The following TRAP1 variants were observed in gnomAD, a reference collection of about 807,000 sequenced individuals.
TRAP1 encodes TNF receptor associated protein 1.
In TRAP1, 102 loss-of-function variants were observed where a neutral mutation model predicts 89.1. The ratio of observed to expected loss-of-function variants is 1.15; its 90% confidence interval spans 0.98 to 1.35. The LOEUF (loss-of-function observed/expected upper bound fraction) is 1.35, where lower values mean the gene tolerates loss of function less well. TRAP1 is among the 40% of genes most tolerant of loss of function. TRAP1 has a pLI of 0.00. For missense variants in TRAP1, 1,256 were observed against 945.3 expected, an observed-to-expected ratio of 1.33 and a Z score of -4.31; for synonymous variants, 508 against 388.0, an observed-to-expected ratio of 1.31 and a Z score of -3.64.
At chr16:3,694,762 G>C (rs1466209377) in intron 1 of TRAP1, among the ~76,000 whole-genome samples, 7 of 152,188 alleles carry the variant, frequency 4.6e-5, no homozygotes, top group Non-Finnish European at 8.8e-5. Context: ...ACAGGTATGA[G>C]CCACTGTACC....
chr16:3,693,226 G>A (rs1490843733), intron 1 of TRAP1, among the ~76,000 whole-genome samples: 1 of 152,146 alleles, frequency 6.6e-6, no homozygotes, highest in Non-Finnish European at 1.5e-5. Context: ...TGGGATTACA[G>A]GCGTGAGCCA....
chr16:3,691,886 G>A (rs1284599736), intron 1 of TRAP1, among the ~76,000 whole-genome samples: 2 of 152,136 alleles, frequency 1.3e-5, no homozygotes, highest in East Asian at 3.8e-4. Context: ...TCAGTCCAGT[G>A]GGCTGAGAAA....
chr16:3,677,626 C>A lies in TRAP1; in HGVS notation c.576G>T (p.Glu192Asp), dbSNP rs763585509. ...ACTGGCCGATGATCTTGCTGCTGGC[C>A]TCAGCCTGGTTCTGCAGAGCATCCA... ...AFLDALQNQA[E>D]ASSKIIGQFG... Residue 192 changes from glutamate (E) to aspartate (D), a missense_variant, in exon 6 of 18, where the codon GAG (glutamate) becomes GAT (aspartate). Coordinates refer to ENST00000246957, the MANE Select transcript of TRAP1 (RefSeq NM_016292.3). 9 of 1,613,994 alleles carry A rather than the reference C, an allele frequency of 5.6e-6. No homozygotes were observed. The highest frequency in any genetic ancestry group is 1.3e-5 in the African/African-American group (1 of 74,912).
intron 1 of TRAP1, among the ~76,000 whole-genome samples, chr16:3,706,657 C>T (rs1227717456): frequency 6.6e-6 from 1 of 151,782 alleles, no homozygotes; most frequent in African/African-American, 2.4e-5. Context: ...GATGGAGTCT[C>T]ACTATGTTGT....
intron 9 of TRAP1, 136 bp downstream of exon 9, chr16:3,674,203 G>C: frequency 8.1e-7 from 1 of 1,234,582 alleles, no homozygotes. Flanking sequence ...TAACAGGCGT[G>C]AGCCACCACA....
At chr16:3,709,913 G>A (rs573205516) in intron 1 of TRAP1, among the ~76,000 whole-genome samples, 2 of 152,318 alleles carry the variant, frequency 1.3e-5, no homozygotes, top group South Asian at 2.1e-4. Context: ...GCCTGCCAAA[G>A]TGCTGGGATT....
At chr16:3,683,920 C>G (rs2051105540) in intron 4 of TRAP1, among the ~76,000 whole-genome samples, 1 of 152,096 alleles carries the variant, frequency 6.6e-6, no homozygotes, top group Admixed American at 6.5e-5. Flanking sequence ...AATCCCAGCA[C>G]TTTGGGAGGC....
At chr16:3,693,808 G>C (rs1052800283) in intron 1 of TRAP1, among the ~76,000 whole-genome samples, 2 of 152,022 alleles carry the variant, frequency 1.3e-5, no homozygotes, top group Admixed American at 1.3e-4. Flanking sequence ...GCCTGGGCAA[G>C]AAAGTGAGAC....
Position 3,688,992 on chromosome 16 carries a change from A to T in TRAP1, c.330+63T>A, listed in dbSNP as rs112848427. The T allele has an allele frequency of 1.3e-4, 196 of 1,499,602 alleles. 1 individual carries two copies. The African/African-American group carries it at 2.0e-3, about 15-fold the overall frequency. 92.9% of individuals were successfully genotyped at this position (1,499,602 alleles called of 1,614,324 possible). The stretch of plus-strand genomic sequence containing the variant: ...TTATCTGGCAATTCTCCAGAATGGC[A>T]TAAAAACCAGCTTTGTGAAAAGAAA... On this transcript the variant is annotated intron_variant, in intron 3 of 17. Coordinates refer to ENST00000246957, the MANE Select transcript of TRAP1 (RefSeq NM_016292.3).
chr16:3,663,432 C>A lies in TRAP1; in HGVS notation c.1700G>T (p.Arg567Met). ...GAGCAGGGGATGCCGACCTGGGGAC[C>A]TGTCCTCAAACTTCTCCTCCTTGTA... ...DHYKEEKFEDRSPAAECLSEK... is the reference protein window; with the variant it reads ...DHYKEEKFEDMSPAAECLSEK... Residue 567 changes from arginine to methionine, a missense_variant, in exon 14 of 18, where the codon AGG becomes ATG. Coordinates refer to ENST00000246957, the MANE Select transcript of TRAP1 (RefSeq NM_016292.3). 6.2e-7 allele frequency: 1 copy of A among 1,614,150 alleles called. No homozygotes were observed. The highest frequency in any genetic ancestry group is 8.5e-7 in the Non-Finnish European group (1 of 1,180,012).
chr16:3,671,819 C>A (rs368053759), intron 10 of TRAP1, 28 bp from the exon 11 acceptor site: 1 of 1,608,362 alleles, frequency 6.2e-7, no homozygotes, highest in Non-Finnish European at 8.5e-7. Flanking sequence ...CAGCTTCTCC[C>A]GGGGCTGCGG....
intron 12 of TRAP1, chr16:3,665,521 G>T (rs1032196355): frequency 4.4e-5 from 7 of 160,424 alleles, no homozygotes; most frequent in Non-Finnish European, 8.2e-5. Flanking sequence ...CTGAACGACT[G>T]GCCCCTGTAG....
chr16:3,658,970 G>T (rs1282540350), intron 16 of TRAP1, 105 bp from the exon 17 acceptor site: 5 of 1,154,734 alleles, frequency 4.3e-6, no homozygotes, highest in Non-Finnish European at 6.3e-6. Context: ...CAGTAAGACT[G>T]TCTGTAGTTT....
chr16:3,694,588 T>G lies in TRAP1; in HGVS notation c.89-3603A>C, dbSNP rs539796591. On this transcript the variant is annotated intron_variant, in intron 1 of 17. Coordinates refer to ENST00000246957, the MANE Select transcript of TRAP1 (RefSeq NM_016292.3). ...CCTGACCTCAAGTGATCTGCCCACC[T>G]TGGCCTCCCAAAGTGCTGGGATTAC... 2.0e-5 allele frequency among the ~76,000 whole-genome samples: 3 copies of G among 152,312 alleles called. No homozygotes were observed. The South Asian group carries it at 6.2e-4, about 32-fold the overall frequency.
chr16:3,660,096 C>T (rs710891), intron 16 of TRAP1: 69,790 of 152,046 alleles, frequency 0.46, 19,020 homozygotes, highest in African/African-American at 0.77. Context: ...AAAGGACATT[C>T]TTAATATGCT....
In TRAP1 at chr16:3,686,031, G is replaced by C. The variant is rs377595918; in HGVS notation, c.436C>G (p.Gln146Glu). The change falls in exon 4 of 18, where the codon CAG becomes GAG. Residue 146 changes from glutamine to glutamate, a missense_variant. Gln to Glu is a conservative substitution (Grantham distance 29, BLOSUM62 2). Transcript: ENST00000246957. Reference protein sequence around the residue: ...QALPEMEIHLQTNAEKGTITI... With the variant: ...QALPEMEIHLETNAEKGTITI... ...ATGGTGCCTTTCTCGGCATTGGTCT[G>C]CAAGTGAATCTCCATTTCTGGCAGT... 3.2e-5 allele frequency: 52 copies of C among 1,613,968 alleles called. No homozygotes were observed. The African/African-American group carries it at 6.7e-4, about 21-fold the overall frequency.
chr16:3,679,935 G>C (rs999948483), intron 4 of TRAP1, 145 bp from the exon 5 acceptor site: 59 of 722,688 alleles, frequency 8.2e-5, no homozygotes, highest in Middle Eastern at 2.4e-4. Flanking sequence ...CATCAGAAAA[G>C]ACTAATTCTA....
At position 3,679,750 on chromosome 16, in the gene TRAP1, T is replaced by G. The variant is rs759416487; in HGVS notation, c.512A>C (p.Asn171Thr). 6.2e-7 allele frequency: 1 copy of G among 1,614,104 alleles called. No homozygotes were observed. The highest frequency in any genetic ancestry group is 8.5e-7 in the Non-Finnish European group (1 of 1,180,010). The change falls in exon 5 of 18, where the codon AAC becomes ACC. Residue 171 changes from asparagine (N) to threonine (T), a missense_variant. By Grantham distance (65) the Asn-to-Thr change is moderately conservative (BLOSUM62 0). Transcript: ENST00000246957. ...IGMTQEELVS[N>T]LGTIARSGSK... ...CCCCGATCTGGCAATCGTCCCCAGG[T>G]TGGACACCAGCTCTTCCTGTGTCAT... is the stretch of plus-strand genomic sequence containing the variant.
At position 3,709,535 on chromosome 16, in the gene TRAP1, G is replaced by T. The variant is rs933232218; in HGVS notation, c.88+7886C>A. On this transcript the variant is annotated intron_variant, in intron 1 of 17. Transcript: ENST00000246957. ...GTTACATAAATTACAAAACATCCTC[G>T]CTATGGAATACCAGAGCTCTGTGGC... 1.1e-4 allele frequency among the ~76,000 whole-genome samples: 17 copies of T among 152,092 alleles called. 1 individual carries two copies. Among genetic ancestry groups the T allele is most frequent in the African/African-American group, 4.1e-4 (17 of 41,404 alleles).
Sources: allele counts gnomAD v4.1 joint callset (sites outside exome capture counted in the v4.1 genomes callset), GRCh38; gene constraint gnomAD v4.1.1; transcripts MANE v1.5; gene names NCBI Gene and HGNC (gene_info 2026-07-23, HGNC 2026-07-21).